Variants in EIPR1 observed in about 807,000 individuals in gnomAD.
EIPR1 encodes the protein EARP complex and GARP complex interacting protein 1, also known as EARP and GARP complex-interacting protein 1.
Under a neutral mutation model 48.1 loss-of-function variants are expected in EIPR1, and 25 were observed. The observed-to-expected ratio is 0.52, with a 90% CI of 0.38 to 0.73. The LOEUF (loss-of-function observed/expected upper bound fraction) is 0.73. Ranked by LOEUF, EIPR1 falls within the 30% of genes least tolerant of loss-of-function variation. The pLI, the probability that EIPR1 is intolerant of heterozygous loss-of-function variation, is 0.00. For missense variants in EIPR1, 415 were observed against 506.2 expected (o/e 0.82, Z 1.73); for synonymous variants, 204 against 201.9 (o/e 1.01, Z -0.09).
At chr2:3,266,594 C>T (rs1667497050) in intron 3 of EIPR1, among the ~76,000 whole-genome samples, 1 of 152,182 alleles carries the variant, frequency 6.6e-6, no homozygotes, top group African/African-American at 2.4e-5. Context: ...GTGAGGGGCA[C>T]CCGCGCCTCT....
chr2:3,272,309 C>G (rs1667723097), intron 3 of EIPR1, among the ~76,000 whole-genome samples: 1 of 152,248 alleles, frequency 6.6e-6, no homozygotes, highest in Non-Finnish European at 1.5e-5. Context: ...CCTTCAAGAA[C>G]TTTCCCTTTG....
intron 3 of EIPR1, among the ~76,000 whole-genome samples, chr2:3,269,927 G>A (rs1025502920): frequency 1.3e-5 from 2 of 152,050 alleles, no homozygotes; most frequent in East Asian, 3.8e-4. Flanking sequence ...CTCAGCTTGG[G>A]AGCACCAGCC....
chr2:3,199,062 C>CA lies in EIPR1; in HGVS notation c.517-2046_517-2045insT. 5.4e-5 allele frequency among the ~76,000 whole-genome samples: 2 copies of CA among 36,758 alleles called. 1 individual carries two copies. The highest frequency in any genetic ancestry group is 2.1e-3 in the South Asian group (2 of 948). The allele number at this position is 36,758 out of a possible 152,430, so 24.1% of individuals were successfully genotyped here. Reference sequence around the variant, plus strand: ...CCCCCAGAGTGGCCATTTTAGAGGGCCCCCCCCCCGCCCCGGGAATGCATT... The same window carrying CA: ...CCCCCAGAGTGGCCATTTTAGAGGGCACCCCCCCCCGCCCCGGGAATGCATT... On this transcript the variant is annotated intron_variant, in intron 5 of 8. Transcript: ENST00000382125.
intron 4 of EIPR1, among the ~76,000 whole-genome samples, chr2:3,235,813 T>C (rs1311372548): frequency 6.6e-6 from 1 of 152,214 alleles, no homozygotes; most frequent in Non-Finnish European, 1.5e-5. Context: ...TCCTGGTATT[T>C]ATTGACCCAT....
intron 4 of EIPR1, among the ~76,000 whole-genome samples, chr2:3,239,172 A>G (rs1666513049): frequency 6.6e-6 from 1 of 152,198 alleles, no homozygotes; most frequent in South Asian, 2.1e-4. Context: ...AGGGACAAGG[A>G]GGCGCCAAGG....
chr2:3,258,278 A>G (rs1297510389), intron 3 of EIPR1, among the ~76,000 whole-genome samples: 2 of 152,320 alleles, frequency 1.3e-5, no homozygotes, highest in Admixed American at 6.5e-5. Context: ...AAATTTCTCA[A>G]TATGATAAAT....
chr2:3,365,939 C>G (rs1006558082), intron 1 of EIPR1, among the ~76,000 whole-genome samples: 2 of 86,642 alleles, frequency 2.3e-5, no homozygotes, highest in African/African-American at 3.4e-5. Flanking sequence ...CCCGCCCGGC[C>G]AGCCGCCCAG....
At chr2:3,375,560 T>G (rs1377164426) in intron 1 of EIPR1, among the ~76,000 whole-genome samples, 1 of 152,184 alleles carries the variant, frequency 6.6e-6, no homozygotes, top group African/African-American at 2.4e-5. Flanking sequence ...TTATAGAACC[T>G]TCTATCTACC....
intron 1 of EIPR1, among the ~76,000 whole-genome samples, chr2:3,375,621 C>G (rs1290268381): frequency 6.6e-6 from 1 of 152,186 alleles, no homozygotes; most frequent in East Asian, 1.9e-4. Context: ...AAAGAGAAAG[C>G]AGTAGAACTT....
chr2:3,201,102 C>T (rs1665019627), intron 5 of EIPR1, among the ~76,000 whole-genome samples: 1 of 152,186 alleles, frequency 6.6e-6, no homozygotes, highest in African/African-American at 2.4e-5. Context: ...GGCACGTGCT[C>T]CCACCCTGAG....
chr2:3,189,180 C>G lies in EIPR1; in HGVS notation c.*154G>C. On this transcript the variant is annotated 3_prime_UTR_variant, in exon 9 of 9. Coordinates refer to ENST00000382125, the MANE Select transcript of EIPR1 (RefSeq NM_003310.5). The surrounding 1 kb of genome is among the most constrained non-coding windows in gnomAD (Gnocchi z 4.6). ...CCGTCGACAATAGCCCCATTCACCCCATTCATAAATGCTGCTGCTACAGGA... is the reference window on the plus strand; with the variant it reads ...CCGTCGACAATAGCCCCATTCACCCGATTCATAAATGCTGCTGCTACAGGA... The G allele has an allele frequency of 1.3e-6, 1 of 768,536 alleles. No individual in the cohort carries two copies. Among genetic ancestry groups the G allele is most frequent in the East Asian group, 3.0e-5 (1 of 33,802 alleles). 47.6% of individuals were successfully genotyped at this position (768,536 alleles called of 1,614,324 possible).
intron 3 of EIPR1, among the ~76,000 whole-genome samples, chr2:3,274,148 GA>G (rs1667778617): frequency 6.6e-6 from 1 of 152,192 alleles, no homozygotes. Context: ...GTGGGAGATA[GA>G]CTGAGAGGGT....
Position 3,341,111 on chromosome 2 carries a change from A to AC in EIPR1, c.127-2963_127-2962insG, listed in dbSNP as rs962697641. Among the ~76,000 whole-genome samples, 5 of 149,134 alleles carry AC rather than the reference A, an allele frequency of 3.4e-5. 1 individual carries two copies. The highest frequency in any genetic ancestry group is 1.2e-4 in the African/African-American group (5 of 40,314). On this transcript the variant is annotated intron_variant, in intron 2 of 8. Coordinates refer to ENST00000382125, the MANE Select transcript of EIPR1 (RefSeq NM_003310.5). Reference sequence around the variant, plus strand: ...ATCCTGTCTCAAAAAAAAAAAAAAAAAAAAAAAAACAAAACAAAACTCCAC... The same window carrying AC: ...ATCCTGTCTCAAAAAAAAAAAAAAAACAAAAAAAAACAAAACAAAACTCCAC...
intron 4 of EIPR1, among the ~76,000 whole-genome samples, chr2:3,249,745 A>C (rs975728635): frequency 6.6e-6 from 1 of 152,188 alleles, no homozygotes; most frequent in Non-Finnish European, 1.5e-5. Flanking sequence ...CCAGGAGGAA[A>C]TAATGGTTTC....
chr2:3,277,844 G>A (rs746024043), intron 3 of EIPR1, among the ~76,000 whole-genome samples: 106 of 152,352 alleles, frequency 7.0e-4, no homozygotes, highest in Non-Finnish European at 2.6e-4. Context: ...ATGGAAAGGA[G>A]CTACATGAAA....
At chr2:3,308,034 A>G (rs57946376) in intron 3 of EIPR1, among the ~76,000 whole-genome samples, 3,157 of 152,320 alleles carry the variant, frequency 0.021, 118 homozygotes, top group African/African-American at 0.072. Context: ...CAACAGAGCC[A>G]CACCAGCCCC....
chr2:3,199,072 G>GCAC (rs1553278585), intron 5 of EIPR1, among the ~76,000 whole-genome samples: 2 of 24,414 alleles, frequency 8.2e-5, no homozygotes, highest in East Asian at 1.0e-3. Flanking sequence ...CCCCCCCCCC[G>GCAC]CCCCGGGAAT....
chr2:3,218,414 T>A (rs1665726169), intron 4 of EIPR1, among the ~76,000 whole-genome samples: 1 of 147,870 alleles, frequency 6.8e-6, no homozygotes, highest in Non-Finnish European at 1.5e-5. Context: ...TCTAGAGCAT[T>A]CACAGTGAGT....
chr2:3,273,919 A>G (rs1398474616), intron 3 of EIPR1, among the ~76,000 whole-genome samples: 1 of 152,238 alleles, frequency 6.6e-6, no homozygotes, highest in East Asian at 1.9e-4. Flanking sequence ...AAGAAATAAA[A>G]GCTGGATTAT....
Sources: allele counts gnomAD v4.1 joint callset (sites outside exome capture counted in the v4.1 genomes callset), GRCh38; gene constraint gnomAD v4.1.1; non-coding constraint Gnocchi (gnomAD v3.1); transcripts MANE v1.5; gene names NCBI Gene and HGNC (gene_info 2026-07-23, HGNC 2026-07-21).